GSE1: variants seen among roughly 807,000 people sequenced by gnomAD.
The protein encoded by GSE1 is Gse1 coiled-coil protein, also known as genetic suppressor element 1.
Under a neutral mutation model 112.6 loss-of-function variants are expected in GSE1, and 32 were observed. That is an observed-to-expected ratio of 0.28 (90% confidence interval 0.21 to 0.38). The LOEUF is 0.38. Among genes scored for constraint, GSE1 ranks in the 10% least tolerant of loss-of-function variants. The pLI, the probability that GSE1 is intolerant of heterozygous loss-of-function variation, is 1.00. For missense variants in GSE1, 2,348 were observed against 1,699.2 expected (o/e 1.38, Z -6.71); for synonymous variants, 1,115 against 735.6 (o/e 1.52, Z -8.35).
chr16:85,446,181 G>A (rs972470670), intron 2 of GSE1, among the ~76,000 whole-genome samples: 16 of 152,154 alleles, frequency 1.1e-4, no homozygotes, highest in African/African-American at 3.6e-4. Flanking sequence ...GCTCTGCGAC[G>A]TCGGGGCCTG....
chr16:85,641,548 C>G (rs1258122596), intron 2 of GSE1, among the ~76,000 whole-genome samples: 1 of 152,260 alleles, frequency 6.6e-6, no homozygotes, highest in Non-Finnish European at 1.5e-5. Context: ...CTGCTTCTCC[C>G]TGGAACGCAG....
At chr16:85,466,071 G>A (rs1010549394) in intron 2 of GSE1, among the ~76,000 whole-genome samples, 10 of 152,218 alleles carry the variant, frequency 6.6e-5, no homozygotes, top group Non-Finnish European at 1.0e-4. Context: ...GGGGCCCAGA[G>A]GGCAGGTTCA....
chr16:85,247,324 A>C (rs1452041258), intron 1 of GSE1, among the ~76,000 whole-genome samples: 1 of 152,168 alleles, frequency 6.6e-6, no homozygotes, highest in Non-Finnish European at 1.5e-5. Context: ...ATAATTGTCC[A>C]TTGGACATTG....
At position 85,675,103 on chromosome 16, in the gene GSE1, C is replaced by G. The variant is rs1005221883; in HGVS notation, c.*2564C>G. On this transcript the variant is annotated 3_prime_UTR_variant, in exon 16 of 16. Transcript: ENST00000253458. ...ACTTTCAGATTATTCTCAAAGAACA[C>G]AGTAGCACCTAAATCTGTTTTCAAT... 4 of 152,218 alleles carry G rather than the reference C, an allele frequency of 2.6e-5. No individual in the cohort carries two copies. Among genetic ancestry groups the G allele is most frequent in the Admixed American group, 2.6e-4 (4 of 15,280 alleles). 9.4% of individuals were successfully genotyped at this position (152,218 alleles called of 1,614,324 possible).
At chr16:85,172,138 G>A (rs2074369343) in intron 1 of GSE1, among the ~76,000 whole-genome samples, 1 of 152,088 alleles carries the variant, frequency 6.6e-6, no homozygotes, top group Admixed American at 6.5e-5. Context: ...GGAAGTTCGG[G>A]GCATGTCTGT....
At chr16:85,305,090 C>T (rs1033137974) in intron 1 of GSE1, among the ~76,000 whole-genome samples, 26 of 152,316 alleles carry the variant, frequency 1.7e-4, no homozygotes, top group East Asian at 5.8e-4. Context: ...CATCCTGGGC[C>T]GCAGCTTGTC....
At chr16:85,230,151 G>T (rs186523115) in intron 1 of GSE1, among the ~76,000 whole-genome samples, 2 of 152,196 alleles carry the variant, frequency 1.3e-5, no homozygotes, top group African/African-American at 4.8e-5. Context: ...CATTTTACAC[G>T]TAGGAAAACT....
intron 2 of GSE1, among the ~76,000 whole-genome samples, chr16:85,396,623 G>A (rs541580922): frequency 6.6e-6 from 1 of 152,226 alleles, no homozygotes; most frequent in Non-Finnish European, 1.5e-5. Context: ...TCCTCCCTCC[G>A]ATTGGGAGCA....
At position 85,381,368 on chromosome 16, in the gene GSE1, T is replaced by G. The variant is rs571900741; in HGVS notation, c.2464+23725T>G. 2.0e-5 allele frequency among the ~76,000 whole-genome samples: 3 copies of G among 152,346 alleles called. No individual in the cohort carries two copies. In the East Asian group the frequency reaches 5.8e-4, roughly 29 times the overall value. On this transcript the variant is annotated intron_variant, in intron 2 of 2. Coordinates refer to the GSE1 transcript ENST00000637419. ...TATTTGTCCTTCTGTTGGTGACACTTGGGCTGTCCCCAGGTTTGGGCTATG... is the reference window on the plus strand; with the variant it reads ...TATTTGTCCTTCTGTTGGTGACACTGGGGCTGTCCCCAGGTTTGGGCTATG...
intron 2 of GSE1, among the ~76,000 whole-genome samples, chr16:85,640,568 G>A (rs1466488021): frequency 4.6e-5 from 7 of 152,148 alleles, no homozygotes; most frequent in South Asian, 2.1e-4. Flanking sequence ...ACCTGAAACC[G>A]AGATCCCACC....
chr16:85,404,146 A>T (rs13333702), intron 2 of GSE1, among the ~76,000 whole-genome samples: 34,618 of 80,492 alleles, frequency 0.43, 9,130 homozygotes, highest in East Asian at 0.49. Context: ...TGGATAATCC[A>T]CACCGTTACA....
At chr16:85,410,451 TAC>T (rs2048490345) in intron 2 of GSE1, among the ~76,000 whole-genome samples, 1 of 17,764 alleles carries the variant, frequency 5.6e-5, no homozygotes, top group Non-Finnish European at 1.1e-4. Context: ...TCCTCACTGT[TAC>T]ACTCAGGGCC....
chr16:85,619,471 GTCTTA>G (rs1489838976), intron 1 of GSE1, among the ~76,000 whole-genome samples: 7 of 152,202 alleles, frequency 4.6e-5, no homozygotes, highest in Non-Finnish European at 1.0e-4. Flanking sequence ...CTAACCCTGA[GTCTTA>G]TCTTCTGGGT....
At position 85,409,265 on chromosome 16, in the gene GSE1, G is replaced by A. The variant is rs1471451561; in HGVS notation, c.2464+51622G>A. On this transcript the variant is annotated intron_variant, in intron 2 of 2. Coordinates refer to the GSE1 transcript ENST00000637419. ...GGCCCCCCGGATAATCCTCACTGTTGCACTCAGGGTCCCTCTGATAATCCT... is the reference window on the plus strand; with the variant it reads ...GGCCCCCCGGATAATCCTCACTGTTACACTCAGGGTCCCTCTGATAATCCT... Among the ~76,000 whole-genome samples the A allele has an allele frequency of 5.1e-4, 15 of 29,414 alleles. 1 individual carries two copies. The highest frequency in any genetic ancestry group is 6.9e-4 in the Admixed American group (2 of 2,918). 19.3% of individuals were successfully genotyped at this position (29,414 alleles called of 152,430 possible). A position where few individuals can be genotyped will look rare whatever the true frequency, so the allele number is the denominator to read the frequency against.
chr16:85,236,210 C>T (rs1159039715), intron 1 of GSE1, among the ~76,000 whole-genome samples: 1 of 152,156 alleles, frequency 6.6e-6, no homozygotes, highest in Non-Finnish European at 1.5e-5. Flanking sequence ...CCCCATAGTA[C>T]GGAGGGAGAA....
intron 2 of GSE1, among the ~76,000 whole-genome samples, chr16:85,544,909 C>T (rs2044644412): frequency 6.6e-6 from 1 of 152,244 alleles, no homozygotes; most frequent in Non-Finnish European, 1.5e-5. Context: ...AGGAGGCCAG[C>T]CGTGCCCGCG....
At chr16:85,429,236 C>G (rs529716733) in intron 2 of GSE1, among the ~76,000 whole-genome samples, 17 of 152,342 alleles carry the variant, frequency 1.1e-4, no homozygotes, top group African/African-American at 3.8e-4. Context: ...CCGGAGCACC[C>G]CCCAGGATGC....
At chr16:85,458,696 G>A (rs949775032) in intron 2 of GSE1, among the ~76,000 whole-genome samples, 34 of 152,172 alleles carry the variant, frequency 2.2e-4, no homozygotes, top group African/African-American at 7.7e-4. Context: ...CTCAGGCCCC[G>A]CCCCAGACCT....
At chr16:85,344,112 G>A (rs1263083077) in intron 1 of GSE1, among the ~76,000 whole-genome samples, 1 of 152,216 alleles carries the variant, frequency 6.6e-6, no homozygotes, top group Non-Finnish European at 1.5e-5. Flanking sequence ...CTGATGGTCT[G>A]GGGGTGCGGA....
Sources: allele counts gnomAD v4.1 joint callset (sites outside exome capture counted in the v4.1 genomes callset), GRCh38; gene constraint gnomAD v4.1.1; transcripts MANE v1.5; gene names NCBI Gene and HGNC (gene_info 2026-07-23, HGNC 2026-07-21).